The following CUL4B variants were observed in gnomAD, a reference collection of about 807,000 sequenced individuals.
CUL4B encodes the protein cullin-4B.
In CUL4B, 1 loss-of-function variant was observed where a neutral mutation model predicts 69.2. That is an observed-to-expected ratio of 0.01 (90% CI 0.01 to 0.07). The LOEUF (loss-of-function observed/expected upper bound fraction) is 0.07, where lower values mean the gene tolerates loss of function less well. Among genes scored for constraint, CUL4B ranks in the 10% least tolerant of loss-of-function variants. CUL4B has a pLI of 1.00. For synonymous variants in CUL4B, 237 were observed against 223.2 expected, an observed-to-expected ratio of 1.06 and a Z score of -0.55; for missense variants, 328 against 638.8, an observed-to-expected ratio of 0.51 and a Z score of 5.24.
At chrX:120,561,047 C>G, upstream of CUL4B, 1 of 965,810 alleles carries the variant, frequency 1.0e-6, no homozygotes, top group Non-Finnish European at 1.3e-6. Flanking sequence ...GGGGAAAGAA[C>G]CAGGGCTTGT....
At chrX:120,533,741 T>C (rs914548499) in intron 17 of CUL4B, among the ~76,000 whole-genome samples, 1 of 111,635 alleles carries the variant, frequency 9.0e-6, no homozygotes, top group African/African-American at 3.3e-5. Context: ...TGACATTATT[T>C]CAAGTGTCAT....
intron 10 of CUL4B, among the ~76,000 whole-genome samples, chrX:120,541,250 AGC>A (rs2067033937): frequency 8.9e-6 from 1 of 112,680 alleles, no homozygotes; most frequent in East Asian, 2.8e-4. Flanking sequence ...CTGTAATCCC[AGC>A]ACTTTGGGAG....
chrX:120,564,605 C>T (rs779001856), upstream of CUL4B, among the ~76,000 whole-genome samples: 1 of 107,806 alleles, frequency 9.3e-6, no homozygotes, highest in Non-Finnish European at 1.9e-5. Context: ...GAGTCTGTCT[C>T]AAAAAAAAAC....
At chrX:120,538,996 C>G (rs753692819) in intron 12 of CUL4B, among the ~76,000 whole-genome samples, 8 of 111,818 alleles carry the variant, frequency 7.2e-5, no homozygotes, top group African/African-American at 2.6e-4. Flanking sequence ...ATTGCATTAA[C>G]TTTTCTTCAG....
intron 18 of CUL4B, among the ~76,000 whole-genome samples, chrX:120,531,553 G>A (rs558960054): frequency 1.7e-3 from 185 of 106,736 alleles, no homozygotes; most frequent in African/African-American, 5.8e-3. Context: ...TCCACATCCC[G>A]GGTTCAGGTG....
intron 10 of CUL4B, among the ~76,000 whole-genome samples, chrX:120,541,270 C>T (rs1406997935): frequency 8.9e-6 from 1 of 112,090 alleles, no homozygotes; most frequent in Non-Finnish European, 1.9e-5. Context: ...GAGGCCAAGG[C>T]GGGTGGATCA....
chrX:120,561,036 G>A (rs1925269074), upstream of CUL4B: 2 of 969,042 alleles, frequency 2.1e-6, no homozygotes, highest in Non-Finnish European at 2.6e-6. Flanking sequence ...GAAAGGGGGA[G>A]GGGGAAAGAA....
At chrX:120,572,326 G>T (rs1437979638) in intron 2 of CUL4B, among the ~76,000 whole-genome samples, 2 of 108,791 alleles carry the variant, frequency 1.8e-5, no homozygotes, top group African/African-American at 6.7e-5. Context: ...TTAGCCGGGT[G>T]TGGTGGCGCA....
chrX:120,543,122 A>T, intron 8 of CUL4B, 89 bp from the exon 9 acceptor site: 1 of 546,531 alleles, frequency 1.8e-6, no homozygotes, highest in Admixed American at 3.0e-5. Context: ...AAAATCAAAT[A>T]GCTCATTTTA....
chrX:120,540,789 C>A (rs1286261478), intron 10 of CUL4B, among the ~76,000 whole-genome samples: 1 of 112,041 alleles, frequency 8.9e-6, no homozygotes, highest in Non-Finnish European at 1.9e-5. Context: ...AGGCATGTAC[C>A]ACTGCACCTG....
At chrX:120,541,443 G>A (rs1317307117) in intron 10 of CUL4B, among the ~76,000 whole-genome samples, 159 bp downstream of exon 10, 3 of 110,731 alleles carry the variant, frequency 2.7e-5, no homozygotes, top group Non-Finnish European at 3.8e-5. Context: ...AGGTTGCAGC[G>A]AGCTAAGATC....
intron 2 of CUL4B, among the ~76,000 whole-genome samples, chrX:120,572,464 C>CAAAAAAAAAAAA (rs66749436): frequency 2.0e-5 from 1 of 50,433 alleles, no homozygotes. Flanking sequence ...CAAAACTCCT[C>CAAAAAAAAAAAA]AAAAAAAAAA....
intron 2 of CUL4B, among the ~76,000 whole-genome samples, chrX:120,556,463 T>C (rs1602587515): frequency 9.0e-6 from 1 of 111,664 alleles, no homozygotes; most frequent in African/African-American, 3.3e-5. Flanking sequence ...TCCACAAATA[T>C]CTTATTTGAT....
intron 3 of CUL4B, 74 bp from the exon 4 acceptor site, chrX:120,546,690 G>T: frequency 1.4e-6 from 1 of 719,443 alleles, no homozygotes; most frequent in Non-Finnish European, 2.2e-6. Context: ...GAGCATATTA[G>T]TCTTAAACAT....
At chrX:120,539,856 A>C (rs1185450494) in intron 11 of CUL4B, among the ~76,000 whole-genome samples, 2 of 112,197 alleles carry the variant, frequency 1.8e-5, no homozygotes, top group African/African-American at 6.5e-5. Flanking sequence ...AGGTTGCAAC[A>C]AAATTTCATC....
intron 14 of CUL4B, among the ~76,000 whole-genome samples, chrX:120,537,737 T>G (rs1923753942): frequency 9.0e-6 from 1 of 111,551 alleles, no homozygotes; most frequent in Non-Finnish European, 1.9e-5. Context: ...TGGATCTAGC[T>G]TTCTATCCCC....
At chrX:120,551,520 C>T (rs1924685646) in intron 2 of CUL4B, among the ~76,000 whole-genome samples, 1 of 111,229 alleles carries the variant, frequency 9.0e-6, no homozygotes, top group African/African-American at 3.3e-5. Context: ...TTTCACACAT[C>T]CTTTGATCCA....
At chrX:120,559,898 C>A in intron 1 of CUL4B, 185 bp downstream of exon 1, 1 of 1,141,628 alleles carries the variant, frequency 8.8e-7, no homozygotes, top group Non-Finnish European at 1.2e-6. Context: ...TGCTTCAGCA[C>A]AAGGATCCTA....
Position 120,560,353 on chromosome X carries a change from G to C in CUL4B, c.286C>G (p.Pro96Ala). The C allele has an allele frequency of 8.3e-7, 1 of 1,208,311 alleles. No homozygotes were observed. The highest frequency in any genetic ancestry group is 1.1e-6 in the Non-Finnish European group (1 of 893,251). The change falls in exon 1 of 20, where the codon CCG becomes GCG. Residue 96 changes from proline to alanine, a missense_variant. Coordinates refer to ENST00000371322, the MANE Select transcript of CUL4B (RefSeq NM_001079872.2). ...GVSVAASSHV[P>A]IQKKLRFEDT... is the part of the protein sequence containing the mutation. ...TCAAAACGCAGCTTCTTCTGTATCGGTACGTGGCTGGAAGCAGCCACTGAA... is the reference window on the plus strand; with the variant it reads ...TCAAAACGCAGCTTCTTCTGTATCGCTACGTGGCTGGAAGCAGCCACTGAA...
Sources: gnomAD v4.1 joint callset for allele counts (sites outside exome capture counted in the v4.1 genomes callset) on GRCh38, gnomAD v4.1.1 for gene constraint, MANE v1.5 for transcripts, NCBI Gene and HGNC (gene_info 2026-07-23, HGNC 2026-07-21) for gene names.